Variants in TECRL observed in about 807,000 individuals in gnomAD.
TECRL encodes the protein trans-2,3-enoyl-CoA reductase-like.
TECRL carries 63 observed loss-of-function variants against 52.8 expected under a neutral mutation model. The observed-to-expected ratio is 1.19, with a 90% CI of 0.97 to 1.47. The LOEUF is 1.47. Among genes scored for constraint, TECRL ranks in the 40% most tolerant of loss-of-function variants. The probability of loss-of-function intolerance (pLI) is 0.00; values close to 1 mark genes in which losing one functional copy is unlikely to be tolerated. For synonymous variants in TECRL, 164 were observed against 141.9 expected, an observed-to-expected ratio of 1.16 and a Z score of -1.10; for missense variants, 482 against 429.6, an observed-to-expected ratio of 1.12 and a Z score of -1.08.
chr4:64,337,497 G>A (rs956543378), intron 2 of TECRL, among the ~76,000 whole-genome samples: 1 of 152,160 alleles, frequency 6.6e-6, no homozygotes, highest in Non-Finnish European at 1.5e-5. Context: ...GTCCCTGTTT[G>A]CAGATGACAT....
chr4:64,309,776 C>A, intron 6 of TECRL, 50 bp downstream of exon 6: 1 of 1,198,708 alleles, frequency 8.3e-7, no homozygotes, highest in Non-Finnish European at 1.2e-6. Context: ...TGCAAAGGAT[C>A]CAACATATAA....
intron 2 of TECRL, among the ~76,000 whole-genome samples, chr4:64,363,960 A>G (rs7687939): frequency 0.034 from 5,204 of 152,206 alleles, 101 homozygotes; most frequent in Non-Finnish European, 0.048. Flanking sequence ...CTAAAAATAT[A>G]CATTATTATT....
chr4:64,308,225 A>C (rs1049021421), intron 6 of TECRL, among the ~76,000 whole-genome samples: 2 of 152,152 alleles, frequency 1.3e-5, no homozygotes, highest in African/African-American at 4.8e-5. Flanking sequence ...TGTAGCTGGC[A>C]GAAGGAAATG....
At chr4:64,306,112 C>G (rs1400077141) in intron 6 of TECRL, among the ~76,000 whole-genome samples, 2 of 152,118 alleles carry the variant, frequency 1.3e-5, no homozygotes, top group African/African-American at 4.8e-5. Context: ...ACTTTCATTT[C>G]CAAGAGCTCT....
chr4:64,344,234 T>C (rs912643472), intron 2 of TECRL, among the ~76,000 whole-genome samples: 5 of 152,098 alleles, frequency 3.3e-5, no homozygotes, highest in Non-Finnish European at 7.4e-5. Context: ...ATGATACAAA[T>C]ATAATCTCTA....
At chr4:64,334,624 C>T (rs966930650) in intron 2 of TECRL, among the ~76,000 whole-genome samples, 2 of 152,084 alleles carry the variant, frequency 1.3e-5, no homozygotes, top group African/African-American at 4.8e-5. Flanking sequence ...ATAGAGTGCA[C>T]TAACACAATA....
At chr4:64,282,785 G>T (rs1354955288) in intron 9 of TECRL, among the ~76,000 whole-genome samples, 6 of 151,966 alleles carry the variant, frequency 3.9e-5, no homozygotes, top group Non-Finnish European at 8.8e-5. Flanking sequence ...TATGTATATA[G>T]ATAATATTGT....
At chr4:64,342,190 C>G (rs1051329872) in intron 2 of TECRL, among the ~76,000 whole-genome samples, 5 of 152,128 alleles carry the variant, frequency 3.3e-5, no homozygotes, top group African/African-American at 1.2e-4. Context: ...TTCCCCACTT[C>G]CCTGTTTTTG....
At chr4:64,356,988 A>G (rs746129526) in intron 2 of TECRL, among the ~76,000 whole-genome samples, 7 of 152,184 alleles carry the variant, frequency 4.6e-5, no homozygotes, top group Non-Finnish European at 1.0e-4. Flanking sequence ...AAAGGTAAAT[A>G]TTTTAATTAT....
intron 1 of TECRL, among the ~76,000 whole-genome samples, chr4:64,388,658 T>C (rs1400921357): frequency 6.6e-6 from 1 of 151,948 alleles, no homozygotes; most frequent in Non-Finnish European, 1.5e-5. Flanking sequence ...TCCACTAACA[T>C]AAAGTATCTC....
chr4:64,381,039 G>A (rs554430331), intron 1 of TECRL, among the ~76,000 whole-genome samples: 10 of 152,036 alleles, frequency 6.6e-5, no homozygotes, highest in Non-Finnish European at 1.0e-4. Context: ...AGCATCAGAT[G>A]TCTTTCCATT....
chr4:64,348,463 C>T (rs1391897378), intron 2 of TECRL, among the ~76,000 whole-genome samples: 3 of 152,190 alleles, frequency 2.0e-5, no homozygotes, highest in Admixed American at 6.5e-5. Flanking sequence ...TTCACCATTG[C>T]CATTCTTCCA....
At chr4:64,293,408 A>G (rs866698339) in intron 8 of TECRL, among the ~76,000 whole-genome samples, 2 of 152,154 alleles carry the variant, frequency 1.3e-5, no homozygotes, top group Admixed American at 1.3e-4. Flanking sequence ...TAAGTGATGT[A>G]TTATGCAGCA....
intron 1 of TECRL, among the ~76,000 whole-genome samples, chr4:64,391,251 C>T (rs1421698510): frequency 6.6e-6 from 1 of 151,688 alleles, no homozygotes; most frequent in Non-Finnish European, 1.5e-5. Flanking sequence ...TTTGGTGATC[C>T]TATGTAAAAA....
chr4:64,299,981 T>C lies in TECRL; in HGVS notation c.767A>G (p.Asn256Ser), dbSNP rs1170746152. The change falls in exon 8 of 12, where the codon AAT becomes AGT. Residue 256 changes from asparagine to serine, a missense_variant. Asn to Ser is a conservative substitution (Grantham distance 46). Coordinates refer to ENST00000381210, the MANE Select transcript of TECRL (RefSeq NM_001010874.5). Reference protein sequence around the residue: ...GNRQITVSAINFLICEAGNHF... With the variant: ...GNRQITVSAISFLICEAGNHF... ...TATATATATGATACATACCAGAAAA[T>C]TGATAGCAGATACTGTGATTTGCCT... The C allele has an allele frequency of 6.3e-7, 1 of 1,576,672 alleles. No individual in the cohort carries two copies. Among genetic ancestry groups the C allele is most frequent in the Non-Finnish European group, 8.6e-7 (1 of 1,158,298 alleles).
intron 6 of TECRL, among the ~76,000 whole-genome samples, chr4:64,305,956 A>C (rs929652298): frequency 6.6e-6 from 1 of 152,108 alleles, no homozygotes; most frequent in African/African-American, 2.4e-5. Context: ...ACTCTGCCTT[A>C]CACACTCTCC....
chr4:64,281,818 T>A (rs958091497), intron 9 of TECRL, among the ~76,000 whole-genome samples: 1 of 151,942 alleles, frequency 6.6e-6, no homozygotes, highest in Non-Finnish European at 1.5e-5. Context: ...TACATAAGGA[T>A]AATCAATTCT....
chr4:64,402,481 A>G (rs1299635446), intron 1 of TECRL, among the ~76,000 whole-genome samples: 1 of 152,098 alleles, frequency 6.6e-6, no homozygotes, highest in African/African-American at 2.4e-5. Context: ...GTAATAATAG[A>G]TATTTGAATC....
At chr4:64,365,301 C>A (rs917033657) in intron 2 of TECRL, among the ~76,000 whole-genome samples, 1 of 151,950 alleles carries the variant, frequency 6.6e-6, no homozygotes, top group Non-Finnish European at 1.5e-5. Context: ...AACCTGGAAG[C>A]ATTCCACCCG....
Sources: allele counts gnomAD v4.1 joint callset (sites outside exome capture counted in the v4.1 genomes callset), GRCh38; gene constraint gnomAD v4.1.1; transcripts MANE v1.5; gene names NCBI Gene and HGNC (gene_info 2026-07-23, HGNC 2026-07-21).